PBX3: variants seen among roughly 807,000 people sequenced by gnomAD.
PBX3 encodes pre-B-cell leukemia transcription factor 3.
PBX3 carries 14 observed loss-of-function variants against 48.5 expected under a neutral mutation model. The ratio of observed to expected loss-of-function variants is 0.29; its 90% confidence interval spans 0.19 to 0.45. The LOEUF (loss-of-function observed/expected upper bound fraction) is 0.45. Ranked by LOEUF, PBX3 falls within the 20% of genes least tolerant of loss-of-function variation. PBX3 has a pLI of 1.00. For synonymous variants in PBX3, 210 were observed against 200.3 expected, an observed-to-expected ratio of 1.05 and a Z score of -0.41; for missense variants, 386 against 546.7, an observed-to-expected ratio of 0.71 and a Z score of 2.93.
chr9:125,890,861 A>G (rs1252724598), intron 2 of PBX3, among the ~76,000 whole-genome samples: 1 of 152,218 alleles, frequency 6.6e-6, no homozygotes, highest in Admixed American at 6.5e-5. Context: ...AAACAGTTCC[A>G]TGGTAATATT....
chr9:125,821,830 G>GT (rs149300412), intron 2 of PBX3, among the ~76,000 whole-genome samples: 2,121 of 152,064 alleles, frequency 0.014, 23 homozygotes, highest in South Asian at 0.026. Context: ...CTGTATTGTT[G>GT]TTTTACCCCT....
At chr9:125,909,687 T>G (rs941904722) in intron 2 of PBX3, among the ~76,000 whole-genome samples, 11 of 152,132 alleles carry the variant, frequency 7.2e-5, no homozygotes, top group Non-Finnish European at 1.5e-4. Flanking sequence ...CCTAGGGAAT[T>G]ACACTGTCAT....
intron 3 of PBX3, among the ~76,000 whole-genome samples, chr9:125,918,529 A>G (rs1841384371): frequency 6.6e-6 from 1 of 152,226 alleles, no homozygotes. Flanking sequence ...ATTTGTGGAT[A>G]TAATCAGTAG....
chr9:125,858,848 A>G (rs1207910092), intron 2 of PBX3, among the ~76,000 whole-genome samples: 1 of 151,766 alleles, frequency 6.6e-6, no homozygotes, highest in Non-Finnish European at 1.5e-5. Context: ...CTGGTCTTGA[A>G]CTCCGGATGT....
intron 2 of PBX3, among the ~76,000 whole-genome samples, chr9:125,794,339 T>G (rs140507242): frequency 6.6e-6 from 1 of 152,296 alleles, no homozygotes; most frequent in East Asian, 1.9e-4. Context: ...TTAACAAGAT[T>G]CCCAGGTAAT....
At chr9:125,822,755 T>G (rs1838689018) in intron 2 of PBX3, among the ~76,000 whole-genome samples, 1 of 152,156 alleles carries the variant, frequency 6.6e-6, no homozygotes, top group Non-Finnish European at 1.5e-5. Context: ...TCATTAATGT[T>G]TTTTGTACAT....
chr9:125,955,099 C>G (rs920380535), intron 5 of PBX3, among the ~76,000 whole-genome samples: 9 of 152,074 alleles, frequency 5.9e-5, no homozygotes, highest in Non-Finnish European at 1.0e-4. Context: ...CAAAAATGTG[C>G]AGACCAATGA....
chr9:125,820,260 G>A (rs1476407557), intron 2 of PBX3, among the ~76,000 whole-genome samples: 5 of 152,178 alleles, frequency 3.3e-5, no homozygotes, highest in Non-Finnish European at 7.4e-5. Context: ...CAGACTGGTT[G>A]GCTTTGCTTC....
intron 2 of PBX3, among the ~76,000 whole-genome samples, chr9:125,875,603 C>T (rs1407757601): frequency 2.6e-5 from 4 of 152,092 alleles, no homozygotes; most frequent in Non-Finnish European, 5.9e-5. Flanking sequence ...ATTCTGATAA[C>T]CTACCAACTA....
At chr9:125,830,722 G>GT (rs1429190017) in intron 2 of PBX3, among the ~76,000 whole-genome samples, 2 of 152,052 alleles carry the variant, frequency 1.3e-5, no homozygotes, top group South Asian at 2.1e-4. Flanking sequence ...ATAAATGGAG[G>GT]TAATATTTTT....
intron 2 of PBX3, among the ~76,000 whole-genome samples, chr9:125,899,221 A>C (rs1308315352): frequency 8.6e-6 from 1 of 116,520 alleles, no homozygotes; most frequent in Non-Finnish European, 1.9e-5. Context: ...ATACATATGT[A>C]TATATATTTA....
intron 2 of PBX3, among the ~76,000 whole-genome samples, chr9:125,777,032 C>T (rs1439761220): frequency 4.3e-5 from 6 of 140,036 alleles, no homozygotes; most frequent in African/African-American, 1.0e-4. Context: ...TTTTTTGAGA[C>T]GGAGTCTCTG....
chr9:125,897,152 T>TTG lies in PBX3; in HGVS notation c.275-18533_275-18532insGT, dbSNP rs1184227822. 3.3e-5 allele frequency among the ~76,000 whole-genome samples: 5 copies of TTG among 149,840 alleles called. No homozygotes were observed. In the East Asian group the frequency reaches 9.8e-4, roughly 29 times the overall value. On this transcript the variant is annotated intron_variant, in intron 2 of 8. Coordinates refer to ENST00000373489, the MANE Select transcript of PBX3 (RefSeq NM_006195.6). The stretch of plus-strand genomic sequence containing the variant: ...TATATTCATTTGTGGTTTTTTTTTT[T>TTG]TTTTTTTTTTCCTGTGCAAACATGA...
chr9:125,939,304 TCAAA>T (rs1202161456), intron 5 of PBX3, among the ~76,000 whole-genome samples: 3 of 151,208 alleles, frequency 2.0e-5, no homozygotes, highest in African/African-American at 4.9e-5. Flanking sequence ...GGCAAAAGAG[TCAAA>T]CAAGGATTTC....
intron 2 of PBX3, among the ~76,000 whole-genome samples, chr9:125,754,002 A>G (rs1187408643): frequency 6.6e-6 from 1 of 152,114 alleles, no homozygotes; most frequent in African/African-American, 2.4e-5. Flanking sequence ...AAGTGGGACT[A>G]TAAGAATTGA....
At chr9:125,924,917 A>C (rs1841539359) in intron 3 of PBX3, among the ~76,000 whole-genome samples, 1 of 152,182 alleles carries the variant, frequency 6.6e-6, no homozygotes, top group Non-Finnish European at 1.5e-5. Flanking sequence ...ACTCCATATA[A>C]TCATAATTTA....
chr9:125,802,755 T>C (rs1837997808), intron 2 of PBX3, among the ~76,000 whole-genome samples: 2 of 151,714 alleles, frequency 1.3e-5, no homozygotes, highest in South Asian at 4.2e-4. Flanking sequence ...CTCGGCTCAG[T>C]GCAACCTCCG....
At chr9:125,899,431 A>G (rs935811584) in intron 2 of PBX3, among the ~76,000 whole-genome samples, 2 of 122,790 alleles carry the variant, frequency 1.6e-5, no homozygotes, top group Non-Finnish European at 3.3e-5. Flanking sequence ...GTATGTCTAT[A>G]TATATGTGTG....
chr9:125,866,721 G>A (rs994284018), intron 2 of PBX3, among the ~76,000 whole-genome samples: 2 of 152,166 alleles, frequency 1.3e-5, no homozygotes, highest in African/African-American at 2.4e-5. Flanking sequence ...AATGGCAGAT[G>A]TTATTTGTAA....
Sources: gnomAD v4.1 joint callset for allele counts (sites outside exome capture counted in the v4.1 genomes callset) on GRCh38, gnomAD v4.1.1 for gene constraint, MANE v1.5 for transcripts, NCBI Gene and HGNC (gene_info 2026-07-23, HGNC 2026-07-21) for gene names.